RIPOR2: variants seen among roughly 807,000 people sequenced by gnomAD.
RIPOR2 encodes rho family-interacting cell polarization regulator 2.
Under a neutral mutation model 114.5 loss-of-function variants are expected in RIPOR2, and 39 were observed. The observed-to-expected ratio is 0.34, with a 90% CI of 0.26 to 0.44. The LOEUF is 0.44. Ranked by LOEUF, RIPOR2 falls within the 20% of genes least tolerant of loss-of-function variation. The pLI is 1.00. For synonymous variants in RIPOR2, 445 were observed against 484.4 expected (o/e 0.92, Z 1.07); for missense variants, 1,007 against 1,255.1 (o/e 0.80, Z 2.99).
chr6:24,988,316 G>C (rs917349595), intron 1 of RIPOR2, among the ~76,000 whole-genome samples: 2 of 152,168 alleles, frequency 1.3e-5, no homozygotes, highest in Admixed American at 1.3e-4. Context: ...CTCCCAAGTA[G>C]CTGGGATTAC....
chr6:24,973,136 C>CA (rs1461694025), intron 1 of RIPOR2, among the ~76,000 whole-genome samples: 1 of 152,020 alleles, frequency 6.6e-6, no homozygotes, highest in Non-Finnish European at 1.5e-5. Context: ...AACATTTCTC[C>CA]AAAAAACATA....
At chr6:24,914,346 A>G (rs1395135089) in intron 1 of RIPOR2, among the ~76,000 whole-genome samples, 2 of 152,078 alleles carry the variant, frequency 1.3e-5, no homozygotes, top group African/African-American at 4.8e-5. Flanking sequence ...ACAACAACCA[A>G]AACAAAACAA....
chr6:24,873,905 C>T, intron 2 of RIPOR2, 106 bp from the exon 3 acceptor site: 1 of 963,262 alleles, frequency 1.0e-6, no homozygotes, highest in Non-Finnish European at 1.5e-6. Context: ...ACAAAGTCTT[C>T]TTCTGTCATC....
intron 1 of RIPOR2, among the ~76,000 whole-genome samples, chr6:24,944,499 A>G (rs1772308686): frequency 6.6e-6 from 1 of 152,196 alleles, no homozygotes; most frequent in African/African-American, 2.4e-5. Flanking sequence ...AGTAGGGAGA[A>G]TCTGATTTCC....
chr6:24,967,274 T>G (rs1262769755), intron 1 of RIPOR2, among the ~76,000 whole-genome samples: 2 of 152,198 alleles, frequency 1.3e-5, no homozygotes, highest in Admixed American at 6.5e-5. Context: ...CATGTGAATT[T>G]GAAGGAGACT....
chr6:24,835,935 C>A, intron 14 of RIPOR2, 64 bp from the exon 15 acceptor site: 1 of 1,482,994 alleles, frequency 6.7e-7, no homozygotes, highest in Non-Finnish European at 9.2e-7. Context: ...GTCAAGTCCA[C>A]ATGGTTTGCA....
intron 1 of RIPOR2, among the ~76,000 whole-genome samples, chr6:25,032,700 C>T (rs572426770): frequency 3.9e-5 from 6 of 152,278 alleles, no homozygotes; most frequent in South Asian, 2.1e-4. Context: ...AGTACGTGGA[C>T]GGTTCAATTC....
chr6:24,855,513 T>C (rs80310711), intron 8 of RIPOR2, among the ~76,000 whole-genome samples: 5,321 of 152,304 alleles, frequency 0.035, 241 homozygotes, highest in African/African-American at 0.11. Context: ...GGAAATAATT[T>C]TGATGAGCTG....
At chr6:24,962,856 C>T (rs559817290) in intron 1 of RIPOR2, among the ~76,000 whole-genome samples, 319 of 152,220 alleles carry the variant, frequency 2.1e-3, no homozygotes, top group African/African-American at 6.0e-3. Flanking sequence ...CTTGAGGTCT[C>T]CACTTGGGAT....
rs1762796061 is a variant in RIPOR2 at position 24,850,670 on chromosome 6, A to G, written c.812T>C (p.Val271Ala). The G allele has an allele frequency of 6.2e-7, 1 of 1,613,720 alleles. No individual in the cohort carries two copies. Among genetic ancestry groups the G allele is most frequent in the Non-Finnish European group, 8.5e-7 (1 of 1,179,830 alleles). Reference protein sequence around the residue: ...QRWKLKGKIEVNGKQSWDGEE... With the variant: ...QRWKLKGKIEANGKQSWDGEE... The stretch of plus-strand genomic sequence containing the variant: ...TCCATCCCAGCTCTGCTTGCCATTT[A>G]CTTCTATTTTGCCTTTCAGTTTCCA... The change falls in exon 10 of 22, where the codon GTA becomes GCA. Residue 271 changes from valine (V) to alanine (A), a missense_variant. Coordinates refer to ENST00000643898, the MANE Select transcript of RIPOR2 (RefSeq NM_001286445.3).
At chr6:25,015,134 C>T (rs984642791) in intron 1 of RIPOR2, 6 of 152,162 alleles carry the variant, frequency 3.9e-5, no homozygotes, top group African/African-American at 4.8e-5. Context: ...GACTAGAACA[C>T]GATGACTTCA....
Position 24,915,161 on chromosome 6 carries a change from G to GTCTTTA in RIPOR2, c.61+20671_61+20676dup, listed in dbSNP as rs375112033. On this transcript the variant is annotated intron_variant, in intron 1 of 21. Coordinates refer to ENST00000643898, the MANE Select transcript of RIPOR2 (RefSeq NM_001286445.3). ...AACAGCAGATCTAACAGCCTTGAAG[G>GTCTTTA]TCTTTACTCTTATGACCTTTCTGTA... Among the ~76,000 whole-genome samples, 197 of 152,224 alleles carry GTCTTTA rather than the reference G, an allele frequency of 1.3e-3. 1 individual carries two copies. Among genetic ancestry groups the GTCTTTA allele is most frequent in the Middle Eastern group, 6.8e-3 (2 of 294 alleles).
chr6:24,820,364 T>TA (rs1391061479), intron 19 of RIPOR2, among the ~76,000 whole-genome samples: 1 of 152,218 alleles, frequency 6.6e-6, no homozygotes, highest in Non-Finnish European at 1.5e-5. Context: ...CAATTCCATT[T>TA]AAAAAAATTG....
rs1442919653 is a variant in RIPOR2, at chr6:24,883,629, T to C, written c.62-7812A>G. Among the ~76,000 whole-genome samples the C allele has an allele frequency of 6.6e-6, 1 of 152,160 alleles. No individual in the cohort carries two copies. The highest frequency in any genetic ancestry group is 1.5e-5 in the Non-Finnish European group (1 of 68,026). ...TGTGAATTGTACATCAATAAAGCTG[T>C]TTAAAAAAAATCACTACCAATTTCT... On this transcript the variant is annotated intron_variant, in intron 1 of 21. Coordinates refer to ENST00000643898, the MANE Select transcript of RIPOR2 (RefSeq NM_001286445.3). This position sits in a 1 kb window ranked among gnomAD's most constrained non-coding sequence, Gnocchi z 4.1.
At chr6:24,895,046 G>GT (rs570909082) in intron 1 of RIPOR2, among the ~76,000 whole-genome samples, 201 of 152,104 alleles carry the variant, frequency 1.3e-3, no homozygotes, top group African/African-American at 4.3e-3. Flanking sequence ...TACCTGGGCA[G>GT]TTTTTTTGTT....
intron 1 of RIPOR2, among the ~76,000 whole-genome samples, chr6:24,974,686 C>A (rs1020215637): frequency 6.6e-6 from 1 of 152,108 alleles, no homozygotes; most frequent in Non-Finnish European, 1.5e-5. Flanking sequence ...TTTGTCCACA[C>A]AAAAACATGT....
At chr6:24,811,505 G>A (rs2113629642) in intron 20 of RIPOR2, among the ~76,000 whole-genome samples, 1 of 151,440 alleles carries the variant, frequency 6.6e-6, no homozygotes, top group East Asian at 2.0e-4. Context: ...CCAAAGTGCT[G>A]GGATTACAGG....
intron 18 of RIPOR2, 135 bp downstream of exon 18, chr6:24,828,001 AC>A: frequency 1.5e-6 from 1 of 667,864 alleles, no homozygotes; most frequent in South Asian, 3.2e-5. Flanking sequence ...TCCAAAAGTC[AC>A]TTAAAAGGCA....
intron 1 of RIPOR2, among the ~76,000 whole-genome samples, chr6:24,897,648 A>G (rs1768018748): frequency 6.6e-6 from 1 of 152,202 alleles, no homozygotes; most frequent in Admixed American, 6.5e-5. Context: ...TATGTATTAC[A>G]TATTTCCTGA....
Sources: allele counts gnomAD v4.1 joint callset (sites outside exome capture counted in the v4.1 genomes callset), GRCh38; gene constraint gnomAD v4.1.1; non-coding constraint Gnocchi (gnomAD v3.1); transcripts MANE v1.5; gene names NCBI Gene and HGNC (gene_info 2026-07-23, HGNC 2026-07-21).